Variants in DECR1 observed in about 807,000 individuals in gnomAD.
The protein encoded by DECR1 is 2,4-dienoyl-CoA reductase [(3E)-enoyl-CoA-producing], mitochondrial.
A neutral mutation model predicts 38.8 loss-of-function variants in DECR1; 44 were observed. That is an observed-to-expected ratio of 1.13 (90% confidence interval 0.89 to 1.46). The LOEUF is 1.46. DECR1 is among the 40% of genes most tolerant of loss of function. The pLI, the probability that DECR1 is intolerant of heterozygous loss-of-function variation, is 0.00. For missense variants in DECR1, 428 were observed against 405.5 expected, an observed-to-expected ratio of 1.06 and a Z score of -0.48; for synonymous variants, 148 against 135.2, an observed-to-expected ratio of 1.09 and a Z score of -0.66.
intron 1 of DECR1, among the ~76,000 whole-genome samples, chr8:90,003,895 C>T (rs1034985825): frequency 5.9e-5 from 9 of 151,666 alleles, no homozygotes; most frequent in Non-Finnish European, 8.8e-5. Flanking sequence ...GCTGAGGTCG[C>T]GCCACTGTAG....
chr8:90,038,049 T>A (rs113841303), intron 6 of DECR1, among the ~76,000 whole-genome samples: 2,025 of 152,336 alleles, frequency 0.013, 38 homozygotes, highest in African/African-American at 0.046. Context: ...CATTGTTAAT[T>A]AATTTATTTA....
intron 1 of DECR1, among the ~76,000 whole-genome samples, chr8:90,010,170 A>G (rs889878262): frequency 2.6e-5 from 4 of 152,198 alleles, no homozygotes; most frequent in East Asian, 1.9e-4. Context: ...GTGCCCTGCT[A>G]TAAGTTAAGG....
Position 90,051,861 on chromosome 8 carries a change from C to A in DECR1, c.972C>A (p.Thr324=), listed in dbSNP as rs1402090606. 12 of 1,613,572 alleles carry A rather than the reference C, an allele frequency of 7.4e-6. No individual in the cohort carries two copies. The highest frequency in any genetic ancestry group is 1.0e-5 in the Non-Finnish European group (12 of 1,179,854). The stretch of plus-strand genomic sequence containing the variant: ...AGGTCACCAAGGAGCAGTGGGACAC[C>A]ATAGAAGAACTCATCAGGAAGACAA... The part of the protein sequence containing the change: ...LRKVTKEQWD[T]IEELIRKTKG... The change falls in exon 10 of 10, where the codon ACC becomes ACA. Residue 324 remains threonine (T), a synonymous_variant. Transcript: ENST00000220764.
At chr8:90,008,038 G>T (rs992627499) in intron 1 of DECR1, among the ~76,000 whole-genome samples, 1 of 152,218 alleles carries the variant, frequency 6.6e-6, no homozygotes, top group Non-Finnish European at 1.5e-5. Flanking sequence ...ATGAAATGAT[G>T]TTGCCATTTA....
chr8:90,019,173 G>C lies in DECR1; in HGVS notation c.417+1G>C, dbSNP rs757613642. The C allele has an allele frequency of 3.7e-6, 6 of 1,613,298 alleles. No homozygotes were observed. Among genetic ancestry groups the C allele is most frequent in the Non-Finnish European group, 3.4e-6 (4 of 1,179,390 alleles). On this transcript the variant is annotated splice_donor_variant, in intron 4 of 9. Coordinates refer to ENST00000220764, the MANE Select transcript of DECR1 (RefSeq NM_001359.2). LOFTEE classifies it high-confidence loss of function. Reference sequence around the variant, plus strand: ...GATCAAAGTTGCAGGACATCCTAATGTAAGTGTAGCAATGATGAAGCCAAA... The same window carrying C: ...GATCAAAGTTGCAGGACATCCTAATCTAAGTGTAGCAATGATGAAGCCAAA...
intron 5 of DECR1, among the ~76,000 whole-genome samples, chr8:90,028,902 A>G (rs1176820392): frequency 6.6e-6 from 1 of 152,148 alleles, no homozygotes; most frequent in African/African-American, 2.4e-5. Flanking sequence ...CCATTTATAG[A>G]CATGGGTGGA....
intron 8 of DECR1, among the ~76,000 whole-genome samples, chr8:90,046,443 A>T (rs1354039249): frequency 6.6e-6 from 1 of 152,244 alleles, no homozygotes; most frequent in South Asian, 2.1e-4. Flanking sequence ...GGTATCAGTG[A>T]TTGAAGATCA....
At chr8:90,005,989 T>G (rs1812728884) in intron 1 of DECR1, 1 of 547,202 alleles carries the variant, frequency 1.8e-6, no homozygotes, top group Non-Finnish European at 3.3e-6. Context: ...TTTCACAACC[T>G]GCTTTAGTGG....
At chr8:90,016,096 A>G (rs971064949) in intron 1 of DECR1, among the ~76,000 whole-genome samples, 5 of 152,244 alleles carry the variant, frequency 3.3e-5, no homozygotes, top group East Asian at 3.8e-4. Flanking sequence ...AGCTGTTAAC[A>G]TATAAAATAG....
At chr8:90,019,678 TA>T (rs1328504264) in intron 4 of DECR1, among the ~76,000 whole-genome samples, 1 of 152,194 alleles carries the variant, frequency 6.6e-6, no homozygotes, top group Non-Finnish European at 1.5e-5. Flanking sequence ...CTGGTTTAAC[TA>T]GTCCTCATTC....
chr8:90,030,670 C>T (rs959400915), intron 5 of DECR1: 1 of 152,196 alleles, frequency 6.6e-6, no homozygotes, highest in Non-Finnish European at 1.5e-5. Context: ...TAGAGCATAG[C>T]AGAAGGCTTT....
At chr8:90,020,642 G>A (rs893515759) in intron 4 of DECR1, among the ~76,000 whole-genome samples, 4 of 152,164 alleles carry the variant, frequency 2.6e-5, no homozygotes, top group African/African-American at 9.7e-5. Flanking sequence ...TGGGATTACA[G>A]GCATGAGCCA....
chr8:90,015,230 T>G (rs945515978), intron 1 of DECR1, among the ~76,000 whole-genome samples: 3 of 152,180 alleles, frequency 2.0e-5, no homozygotes, highest in Middle Eastern at 3.2e-3. Context: ...ATGGGTGGAC[T>G]CTGAAGTCAG....
At chr8:90,031,199 A>T (rs1037224721) in intron 5 of DECR1, among the ~76,000 whole-genome samples, 3 of 152,092 alleles carry the variant, frequency 2.0e-5, no homozygotes, top group Non-Finnish European at 2.9e-5. Context: ...AATAATGTTG[A>T]TAATAAAGCC....
At position 90,020,961 on chromosome 8, in the gene DECR1, C is replaced by T; in HGVS notation, c.470C>T (p.Ser157Phe). The T allele has an allele frequency of 6.3e-7, 1 of 1,593,568 alleles. No individual in the cohort carries two copies. The highest frequency in any genetic ancestry group is 8.5e-7 in the Non-Finnish European group (1 of 1,171,952). The change falls in exon 5 of 10, where the codon TCT becomes TTT. Residue 157 changes from serine (S) to phenylalanine (F), a missense_variant. By Grantham distance (155) the Ser-to-Phe change is radical. Transcript: ENST00000220764. The part of the protein sequence containing the change: ...GNFISPTERL[S>F]PNAWKTITDI... Reference sequence around the variant, plus strand: ...TTTATTTCTCCTACTGAAAGACTTTCTCCTAATGCTTGGAAAACCATAACT... The same window carrying T: ...TTTATTTCTCCTACTGAAAGACTTTTTCCTAATGCTTGGAAAACCATAACT...
At chr8:90,008,644 A>G (rs922869940) in intron 1 of DECR1, among the ~76,000 whole-genome samples, 25 of 152,242 alleles carry the variant, frequency 1.6e-4, no homozygotes, top group Admixed American at 2.0e-4. Flanking sequence ...TTGTTGGGCA[A>G]GAGGCAAGAA....
At chr8:90,047,295 A>C (rs193282077) in intron 8 of DECR1, among the ~76,000 whole-genome samples, 4 of 152,296 alleles carry the variant, frequency 2.6e-5, no homozygotes, top group African/African-American at 7.2e-5. Flanking sequence ...CCCATCTCAC[A>C]TGCAGAGACA....
chr8:90,041,232 C>CT (rs1324876923), intron 6 of DECR1, among the ~76,000 whole-genome samples: 3 of 151,326 alleles, frequency 2.0e-5, no homozygotes, highest in Non-Finnish European at 4.4e-5. Context: ...TGATGATGAG[C>CT]TTTTTTTTTC....
At chr8:90,043,005 C>T (rs1427992599) in intron 7 of DECR1, among the ~76,000 whole-genome samples, 1 of 151,992 alleles carries the variant, frequency 6.6e-6, no homozygotes, top group African/African-American at 2.4e-5. Flanking sequence ...GCAATTTCTT[C>T]ATAATGTCAA....
Sources: allele counts gnomAD v4.1 joint callset (sites outside exome capture counted in the v4.1 genomes callset), GRCh38; gene constraint gnomAD v4.1.1; transcripts MANE v1.5; gene names NCBI Gene and HGNC (gene_info 2026-07-23, HGNC 2026-07-21).